Variants in EBPL observed in about 807,000 individuals in gnomAD.
The protein encoded by EBPL is emopamil-binding protein-like.
A neutral mutation model predicts 19.0 loss-of-function variants in EBPL; 20 were observed. That is an observed-to-expected ratio of 1.05 (90% confidence interval 0.74 to 1.53). EBPL has a LOEUF of 1.53. EBPL is among the 40% of genes most tolerant of loss of function. EBPL has a pLI of 0.00. For missense variants in EBPL, 219 were observed against 261.1 expected, an observed-to-expected ratio of 0.84 and a Z score of 1.11; for synonymous variants, 107 against 117.0, an observed-to-expected ratio of 0.91 and a Z score of 0.55.
chr13:49,671,070 C>T (rs1212198478), intron 1 of EBPL, among the ~76,000 whole-genome samples: 1 of 152,224 alleles, frequency 6.6e-6, no homozygotes, highest in Non-Finnish European at 1.5e-5. Context: ...GCCACAATTT[C>T]TTTCCTTAGG....
At chr13:49,678,716 G>A (rs1470669137) in intron 1 of EBPL, among the ~76,000 whole-genome samples, 1 of 152,158 alleles carries the variant, frequency 6.6e-6, no homozygotes, top group Non-Finnish European at 1.5e-5. Flanking sequence ...CCAGCCCAGA[G>A]AGGGGCTCCC....
rs1965141191 is a variant in EBPL, at chr13:49,661,185, C to A, written c.404G>T (p.Cys135Phe). ...YYRHFLQITLCVCELYGCWMT... is the reference protein window; with the variant it reads ...YYRHFLQITLFVCELYGCWMT... ...CCAGCAGCCATACAGCTCGCACACG[C>A]ACAGGGTGATCTGCAGGAAATGCCT... The change falls in exon 4 of 4, where the codon TGC becomes TTC. Residue 135 changes from cysteine (C) to phenylalanine (F), a missense_variant. By Grantham distance (205) the Cys-to-Phe change is radical. Around this residue, in one of 2 missense-constraint regions of EBPL, gnomAD observed 49 missense variants for 94.1 expected, o/e 0.52. Coordinates refer to ENST00000242827, the MANE Select transcript of EBPL (RefSeq NM_032565.5). The A allele has an allele frequency of 6.2e-7, 1 of 1,613,728 alleles. No individual in the cohort carries two copies. The highest frequency in any genetic ancestry group is 1.3e-5 in the African/African-American group (1 of 74,882).
At chr13:49,668,441 G>C in intron 2 of EBPL, 1 of 234,706 alleles carries the variant, frequency 4.3e-6, no homozygotes, top group Non-Finnish European at 8.6e-6. Flanking sequence ...AGGCGTGGTG[G>C]CGGGCGCCTG....
At chr13:49,664,875 G>A (rs1965202356) in intron 2 of EBPL, among the ~76,000 whole-genome samples, 1 of 151,298 alleles carries the variant, frequency 6.6e-6, no homozygotes, top group Non-Finnish European at 1.5e-5. Flanking sequence ...CACATGCTGA[G>A]GGAATGTTCT....
Position 49,677,602 on chromosome 13 carries a change from C to T in EBPL, c.172-7756G>A, listed in dbSNP as rs1178839189. 3.9e-5 allele frequency among the ~76,000 whole-genome samples: 6 copies of T among 152,296 alleles called. No individual in the cohort carries two copies. The East Asian group carries it at 1.2e-3, about 29-fold the overall frequency. On this transcript the variant is annotated intron_variant, in intron 1 of 3. Transcript: ENST00000242827. ...GGCCCCAGCTTCAGAATGAGACCTG[C>T]TATTATGGTTTTAAAGATTGTAAGG...
chr13:49,687,679 A>C (rs1954013449), intron 1 of EBPL, among the ~76,000 whole-genome samples: 1 of 152,162 alleles, frequency 6.6e-6, no homozygotes, highest in South Asian at 2.1e-4. Context: ...CCACCAGCTC[A>C]CAATAAGATG....
At chr13:49,690,938 GTTCAACAGTTACGTGCAGGT>G (rs575794727) in intron 1 of EBPL, among the ~76,000 whole-genome samples, 1 of 152,278 alleles carries the variant, frequency 6.6e-6, no homozygotes, top group Admixed American at 6.5e-5. Context: ...ATTATGTCCA[GTTCAACAGTTACGTGCAGGT>G]TACAAAGCCG....
chr13:49,668,498 T>C lies in EBPL; in HGVS notation c.241+1279A>G, dbSNP rs543405724. The C allele has an allele frequency of 1.8e-3, 504 of 275,292 alleles. 7 individuals are homozygous for C. The highest frequency in any genetic ancestry group is 0.013 in the South Asian group (483 of 35,808). 17.1% of individuals were successfully genotyped at this position (275,292 alleles called of 1,614,324 possible). A position where few individuals can be genotyped will look rare whatever the true frequency, so the allele number is the denominator to read the frequency against. Reference sequence around the variant, plus strand: ...CTGAGGCAGGAGAATGGCGTGAACCTGGGAGGCGGAGCTTGCAGTGAGCCG... The same window carrying C: ...CTGAGGCAGGAGAATGGCGTGAACCCGGGAGGCGGAGCTTGCAGTGAGCCG... On this transcript the variant is annotated intron_variant, in intron 2 of 3. Transcript: ENST00000242827.
chr13:49,668,044 G>A (rs1373704723), intron 2 of EBPL: 1 of 152,288 alleles, frequency 6.6e-6, no homozygotes, highest in East Asian at 1.9e-4. Context: ...AGAGTTTAAT[G>A]CAGCCAATCA....
intron 1 of EBPL, among the ~76,000 whole-genome samples, chr13:49,676,773 T>C (rs1953881168): frequency 1.3e-5 from 2 of 152,154 alleles, no homozygotes; most frequent in Non-Finnish European, 2.9e-5. Context: ...CGGGGCAAGG[T>C]TGATTACATG....
rs1031703856 is a variant in EBPL, at chr13:49,690,048, G to A, written c.171+1206C>T. Among the ~76,000 whole-genome samples, 9 of 152,024 alleles carry A rather than the reference G, an allele frequency of 5.9e-5. No homozygotes were observed. The East Asian group carries it at 1.7e-3, about 29-fold the overall frequency. ...GCCCGTAATCCCAGCTACTCGGGAG[G>A]CTGAGGCAGGAGAATAGCTTTAACC... On this transcript the variant is annotated intron_variant, in intron 1 of 3. Coordinates refer to ENST00000242827, the MANE Select transcript of EBPL (RefSeq NM_032565.5).
intron 1 of EBPL, among the ~76,000 whole-genome samples, chr13:49,678,640 C>T (rs961834496): frequency 2.6e-5 from 4 of 151,972 alleles, no homozygotes; most frequent in Admixed American, 1.3e-4. Flanking sequence ...GTGCGCAGCC[C>T]GGGTTCTCGC....
chr13:49,688,259 A>G (rs1338652611), intron 1 of EBPL, among the ~76,000 whole-genome samples: 1 of 152,164 alleles, frequency 6.6e-6, no homozygotes, highest in Non-Finnish European at 1.5e-5. Flanking sequence ...TGCTGTAGTC[A>G]TAACGAGCTG....
At position 49,661,094 on chromosome 13, in the gene EBPL, A is replaced by T. The variant is rs776417561; in HGVS notation, c.495T>A (p.Cys165Ter). Residue 165 changes from cysteine to a stop codon, truncating the protein, a stop_gained, in exon 4 of 4, where the codon TGT becomes TGA. Transcript: ENST00000242827. LOFTEE classifies it high-confidence loss of function. Reference sequence around the variant, plus strand: ...CGTTAAAAAAAAACAGGTAAAGCCAACAGTACAGCCAGTTGCTGGTGTTGA... The same window carrying T: ...CGTTAAAAAAAAACAGGTAAAGCCATCAGTACAGCCAGTTGCTGGTGTTGA... Reference protein sequence around the residue: ...PNLNTSNWLYCWLYLFFFNGV... With the variant: ...PNLNTSNWLY 1.9e-6 allele frequency: 3 copies of T among 1,614,206 alleles called. No individual in the cohort carries two copies. The South Asian group carries it at 3.3e-5, about 18-fold the overall frequency.
chr13:49,674,959 A>G (rs1953860604), intron 1 of EBPL, among the ~76,000 whole-genome samples: 1 of 152,230 alleles, frequency 6.6e-6, no homozygotes, highest in South Asian at 2.1e-4. Flanking sequence ...TGTGCCCACT[A>G]AACACTGATT....
intron 1 of EBPL, among the ~76,000 whole-genome samples, chr13:49,678,541 C>G (rs1168733105): frequency 6.6e-6 from 1 of 152,216 alleles, no homozygotes; most frequent in Non-Finnish European, 1.5e-5. Context: ...CCCTCCACAG[C>G]TGCTGGCCCG....
chr13:49,667,490 G>T (rs1275092749), intron 2 of EBPL, among the ~76,000 whole-genome samples: 2 of 152,168 alleles, frequency 1.3e-5, no homozygotes, highest in Non-Finnish European at 2.9e-5. Context: ...GTCATCATCA[G>T]AAGGTCCTGC....
chr13:49,664,312 C>T (rs150503395), intron 2 of EBPL, among the ~76,000 whole-genome samples: 2,361 of 152,212 alleles, frequency 0.016, 23 homozygotes, highest in Non-Finnish European at 0.021. Context: ...GGACAGTGGG[C>T]AGGGAGGGGA....
At chr13:49,680,446 A>G (rs1175911969) in intron 1 of EBPL, among the ~76,000 whole-genome samples, 1 of 152,250 alleles carries the variant, frequency 6.6e-6, no homozygotes, top group Non-Finnish European at 1.5e-5. Flanking sequence ...GGGCAAGTGC[A>G]GCAAAACTTG....
Sources: gnomAD v4.1 joint callset for allele counts (sites outside exome capture counted in the v4.1 genomes callset) on GRCh38, gnomAD v4.1.1 for gene constraint, gnomAD v4.1.1 regional missense constraint, MANE v1.5 for transcripts, NCBI Gene and HGNC (gene_info 2026-07-23, HGNC 2026-07-21) for gene names.